The following IL1RAPL2 variants were observed in gnomAD, a reference collection of about 807,000 sequenced individuals.
The protein encoded by IL1RAPL2 is interleukin 1 receptor accessory protein like 2, also known as X-linked interleukin-1 receptor accessory protein-like 2.
IL1RAPL2 carries 3 observed loss-of-function variants against 44.1 expected under a neutral mutation model. That is an observed-to-expected ratio of 0.07 (90% CI 0.03 to 0.18). The LOEUF is 0.18. IL1RAPL2 is among the 10% of genes least tolerant of loss of function. The pLI is 1.00. For synonymous variants in IL1RAPL2, 181 were observed against 178.8 expected, an observed-to-expected ratio of 1.01 and a Z score of -0.10; for missense variants, 391 against 496.4, an observed-to-expected ratio of 0.79 and a Z score of 2.02.
intron 2 of IL1RAPL2, among the ~76,000 whole-genome samples, chrX:104,912,115 T>C (rs1924256850): frequency 9.5e-6 from 1 of 105,565 alleles, no homozygotes; most frequent in South Asian, 4.5e-4. Context: ...TTCTATCTTT[T>C]ATCAGCTGCA....
chrX:104,635,185 G>C lies in IL1RAPL2; in HGVS notation c.-19-23710G>C, dbSNP rs750836448. ...GAATATTGGCCCCCACTCTCTTCTG[G>C]CTTATAGAGTTTCTGCTGAGAGATC... On this transcript the variant is annotated intron_variant, in intron 1 of 10. Coordinates refer to ENST00000372582, the MANE Select transcript of IL1RAPL2 (RefSeq NM_017416.2). Among the ~76,000 whole-genome samples, 3 of 111,812 alleles carry C rather than the reference G, an allele frequency of 2.7e-5. No individual in the cohort carries two copies. The East Asian group carries it at 8.4e-4, about 31-fold the overall frequency.
At chrX:105,686,784 C>T (rs764787689) in intron 6 of IL1RAPL2, among the ~76,000 whole-genome samples, 11 of 111,844 alleles carry the variant, frequency 9.8e-5, no homozygotes, top group Non-Finnish European at 2.1e-4. Context: ...TTTTCAGCAC[C>T]TCATTGCACT....
At chrX:105,695,029 T>G (rs747895744) in intron 6 of IL1RAPL2, among the ~76,000 whole-genome samples, 20 of 111,572 alleles carry the variant, frequency 1.8e-4, no homozygotes, top group Non-Finnish European at 2.8e-4. Context: ...GAAGGTTAGC[T>G]TCATTTCTTA....
intron 4 of IL1RAPL2, among the ~76,000 whole-genome samples, chrX:105,261,963 G>A (rs922878394): frequency 8.9e-6 from 1 of 111,733 alleles, no homozygotes; most frequent in African/African-American, 3.3e-5. Flanking sequence ...GGCTAGAAGG[G>A]CTAGAGCTGG....
intron 6 of IL1RAPL2, among the ~76,000 whole-genome samples, chrX:105,595,711 T>G (rs2037204258): frequency 9.0e-6 from 1 of 111,292 alleles, no homozygotes; most frequent in Admixed American, 9.7e-5. Flanking sequence ...CCTCTAGTTG[T>G]ATCTTCTCAA....
At chrX:104,613,692 T>C (rs937889667) in intron 1 of IL1RAPL2, among the ~76,000 whole-genome samples, 2 of 110,891 alleles carry the variant, frequency 1.8e-5, no homozygotes, top group African/African-American at 6.6e-5. Flanking sequence ...GTAGAATGAG[T>C]TATGGGGGAT....
chrX:104,693,899 T>G (rs1931136226), intron 2 of IL1RAPL2, among the ~76,000 whole-genome samples: 1 of 111,857 alleles, frequency 8.9e-6, no homozygotes, highest in Non-Finnish European at 1.9e-5. Flanking sequence ...TTCTGTGGAT[T>G]GATTCCATAA....
At chrX:105,068,919 C>T (rs985192336) in intron 2 of IL1RAPL2, among the ~76,000 whole-genome samples, 3 of 111,921 alleles carry the variant, frequency 2.7e-5, no homozygotes, top group Non-Finnish European at 5.6e-5. Context: ...ATAGAAGTGC[C>T]TTAAAAAATT....
intron 2 of IL1RAPL2, among the ~76,000 whole-genome samples, chrX:105,045,382 G>T (rs189101640): frequency 2.1e-3 from 232 of 111,811 alleles, no homozygotes; most frequent in African/African-American, 6.3e-3. Context: ...AAAAATAACA[G>T]TGTAAGTGTA....
At chrX:105,218,880 GC>G in intron 3 of IL1RAPL2, 1 of 844,968 alleles carries the variant, frequency 1.2e-6, no homozygotes, top group Non-Finnish European at 1.7e-6. Flanking sequence ...TACCACCCCG[GC>G]CCCCGCCACC....
At chrX:104,845,670 T>G (rs1408493903) in intron 2 of IL1RAPL2, among the ~76,000 whole-genome samples, 1 of 111,796 alleles carries the variant, frequency 8.9e-6, no homozygotes, top group Non-Finnish European at 1.9e-5. Context: ...TTATTGTTAT[T>G]GGGGATTTAT....
chrX:104,652,024 A>C (rs943253689), intron 1 of IL1RAPL2, among the ~76,000 whole-genome samples: 56 of 112,069 alleles, frequency 5.0e-4, no homozygotes, highest in African/African-American at 1.8e-3. Flanking sequence ...ACTGGAAGGG[A>C]GGTAAAGCAA....
intron 6 of IL1RAPL2, among the ~76,000 whole-genome samples, chrX:105,684,560 C>T (rs1346776878): frequency 8.9e-6 from 1 of 112,733 alleles, no homozygotes; most frequent in Non-Finnish European, 1.9e-5. Context: ...CACCACAGCT[C>T]AACAAGGCCT....
At chrX:105,124,949 C>G (rs1231190541) in intron 2 of IL1RAPL2, among the ~76,000 whole-genome samples, 15 of 109,919 alleles carry the variant, frequency 1.4e-4, no homozygotes, top group Non-Finnish European at 5.7e-5. Flanking sequence ...TCTTTTCTTT[C>G]TTTCCTTCCT....
intron 2 of IL1RAPL2, among the ~76,000 whole-genome samples, chrX:104,761,184 G>A (rs1007850790): frequency 4.5e-5 from 5 of 111,332 alleles, no homozygotes; most frequent in African/African-American, 1.6e-4. Flanking sequence ...AAAGAGATTT[G>A]ATTGACTCAC....
At chrX:105,333,999 T>A (rs1303541880) in intron 5 of IL1RAPL2, among the ~76,000 whole-genome samples, 10 of 112,038 alleles carry the variant, frequency 8.9e-5, no homozygotes. Flanking sequence ...AGCTACCATA[T>A]GATCCAGCAA....
intron 2 of IL1RAPL2, among the ~76,000 whole-genome samples, chrX:105,012,643 T>TCACACACACA (rs1191223168): frequency 1.6e-5 from 1 of 61,337 alleles, no homozygotes; most frequent in African/African-American, 7.7e-5. Context: ...TCTCTCTCTC[T>TCACACACACA]CTCACACACA....
At chrX:105,491,898 A>C (rs2036322319) in intron 6 of IL1RAPL2, among the ~76,000 whole-genome samples, 1 of 111,931 alleles carries the variant, frequency 8.9e-6, no homozygotes, top group Non-Finnish European at 1.9e-5. Flanking sequence ...TTAACAGTTT[A>C]CTAAATAGTG....
At chrX:104,705,988 C>G (rs1226408994) in intron 2 of IL1RAPL2, among the ~76,000 whole-genome samples, 1 of 111,960 alleles carries the variant, frequency 8.9e-6, no homozygotes, top group Non-Finnish European at 1.9e-5. Flanking sequence ...AATATTAATA[C>G]TTGAAGATAA....
Sources: allele counts gnomAD v4.1 joint callset (sites outside exome capture counted in the v4.1 genomes callset), GRCh38; gene constraint gnomAD v4.1.1; transcripts MANE v1.5; gene names NCBI Gene and HGNC (gene_info 2026-07-23, HGNC 2026-07-21).